The following KSR2 variants were observed in gnomAD, a reference collection of about 807,000 sequenced individuals.
KSR2 encodes kinase suppressor of ras 2.
Under a neutral mutation model 107.8 loss-of-function variants are expected in KSR2, and 25 were observed. That is an observed-to-expected ratio of 0.23 (90% CI 0.17 to 0.32). KSR2 has a LOEUF of 0.32. Among genes scored for constraint, KSR2 ranks in the 10% least tolerant of loss-of-function variants. KSR2 has a pLI of 1.00. For missense variants in KSR2, 887 were observed against 1,268.9 expected, an observed-to-expected ratio of 0.70 and a Z score of 4.57; for synonymous variants, 480 against 507.0, an observed-to-expected ratio of 0.95 and a Z score of 0.71.
intron 4 of KSR2, among the ~76,000 whole-genome samples, chr12:117,697,718 C>T (rs1430409515): frequency 3.8e-5 from 5 of 131,388 alleles, no homozygotes; most frequent in South Asian, 4.8e-4. Flanking sequence ...CTAGCCTGGG[C>T]AACAGAGCGA....
intron 10 of KSR2, among the ~76,000 whole-genome samples, chr12:117,537,742 C>A (rs756262701): frequency 1.3e-5 from 2 of 152,164 alleles, no homozygotes; most frequent in African/African-American, 2.4e-5. Context: ...CTTGTCATGG[C>A]CTGTCATGGA....
rs200974170 is a variant in KSR2, at chr12:117,467,917, G to A, written c.2847-712C>T. The A allele has an allele frequency of 6.0e-5, 12 of 199,522 alleles. No individual in the cohort carries two copies. The Admixed American group carries it at 1.2e-3, about 20-fold the overall frequency. The allele number at this position is 199,522 out of a possible 1,614,324, so 12.4% of individuals were successfully genotyped here. ...TCCTATTCTGCTAGACCACAGTCCTGTGTTTTTTTTTTTTTTTTCCAGCCC... is the reference window on the plus strand; with the variant it reads ...TCCTATTCTGCTAGACCACAGTCCTATGTTTTTTTTTTTTTTTTCCAGCCC... On this transcript the variant is annotated intron_variant, in intron 19 of 19. Transcript: ENST00000339824.
intron 16 of KSR2, among the ~76,000 whole-genome samples, chr12:117,480,189 T>C (rs1348518897): frequency 1.1e-5 from 1 of 91,758 alleles, no homozygotes; most frequent in Non-Finnish European, 2.2e-5. Context: ...TGGGGTGGGT[T>C]GGGGTGCCCC....
chr12:117,653,824 A>AAG (rs1884004096), intron 5 of KSR2, among the ~76,000 whole-genome samples: 1 of 152,202 alleles, frequency 6.6e-6, no homozygotes, highest in African/African-American at 2.4e-5. Context: ...AGTGACCCGA[A>AAG]AGGCTGCCAG....
chr12:117,777,464 G>A (rs1338902941), intron 3 of KSR2, among the ~76,000 whole-genome samples: 2 of 152,110 alleles, frequency 1.3e-5, no homozygotes, highest in Non-Finnish European at 2.9e-5. Flanking sequence ...GAAATGAGAG[G>A]GCAGAATGCT....
intron 5 of KSR2, among the ~76,000 whole-genome samples, chr12:117,638,596 A>G (rs1216672704): frequency 6.6e-6 from 1 of 152,152 alleles, no homozygotes; most frequent in Non-Finnish European, 1.5e-5. Context: ...TAAAAGATAT[A>G]CTATTTAGGG....
rs1183124695 is a variant in KSR2 at position 117,699,584 on chromosome 12, A to T, written c.987-31926T>A. On this transcript the variant is annotated intron_variant, in intron 4 of 19. Transcript: ENST00000339824. ...TAATTATTTGTGTATCCAAACATCT[A>T]AACATAGAAAAGGTACAGGCAAAAT... Among the ~76,000 whole-genome samples, 3 of 152,234 alleles carry T rather than the reference A, an allele frequency of 2.0e-5. 1 individual carries two copies. Among genetic ancestry groups the T allele is most frequent in the African/African-American group, 7.2e-5 (3 of 41,462 alleles).
chr12:117,924,105 C>T (rs369279392), intron 1 of KSR2, among the ~76,000 whole-genome samples: 176 of 151,222 alleles, frequency 1.2e-3, no homozygotes, highest in African/African-American at 4.0e-3. Flanking sequence ...CTCGAACTCC[C>T]GACCACAGGT....
At chr12:117,626,024 T>C (rs1281390457) in intron 5 of KSR2, among the ~76,000 whole-genome samples, 1 of 152,250 alleles carries the variant, frequency 6.6e-6, no homozygotes, top group African/African-American at 2.4e-5. Flanking sequence ...TGGTAGTTTG[T>C]ATTTCTGTGG....
intron 1 of KSR2, among the ~76,000 whole-genome samples, chr12:117,888,857 G>C (rs889979178): frequency 6.6e-6 from 1 of 152,214 alleles, no homozygotes; most frequent in Non-Finnish European, 1.5e-5. Flanking sequence ...CAGGGAGTTA[G>C]TGAATTTCAT....
chr12:117,667,525 G>T lies in KSR2; in HGVS notation c.1120C>A (p.Pro374Thr), dbSNP rs775004315. ...SLRSFFVGHA[P>T]FLPSTPPVHT... is the part of the protein sequence containing the mutation. ...ACAGGAGGGGTGGAAGGCAGGAAAG[G>T]TGCGTGTCCCACAAAGAAGGAGCGG... The change falls in exon 5 of 20, where the codon CCT (proline) becomes ACT (threonine). Residue 374 changes from proline to threonine, a missense_variant. Coordinates refer to ENST00000339824, the MANE Select transcript of KSR2 (RefSeq NM_173598.6). 2 of 1,612,796 alleles carry T rather than the reference G, an allele frequency of 1.2e-6. No individual in the cohort carries two copies. The highest frequency in any genetic ancestry group is 1.7e-6 in the Non-Finnish European group (2 of 1,179,608).
intron 5 of KSR2, among the ~76,000 whole-genome samples, chr12:117,644,437 C>T (rs949273762): frequency 3.3e-4 from 50 of 152,158 alleles, no homozygotes; most frequent in African/African-American, 1.1e-3. Flanking sequence ...GCTACTAAAG[C>T]AGGATCAGTG....
chr12:117,494,123 C>G (rs1032755421), intron 14 of KSR2, among the ~76,000 whole-genome samples: 2 of 152,148 alleles, frequency 1.3e-5, no homozygotes, highest in African/African-American at 4.8e-5. Context: ...GTGCCTTAGG[C>G]TGCTTCCCAT....
intron 5 of KSR2, among the ~76,000 whole-genome samples, chr12:117,626,426 A>C (rs1176975496): frequency 6.6e-6 from 1 of 152,180 alleles, no homozygotes; most frequent in East Asian, 1.9e-4. Context: ...ATTGGTTTCA[A>C]AGAACATCTT....
At chr12:117,744,497 G>A (rs7295195) in intron 4 of KSR2, among the ~76,000 whole-genome samples, 47,386 of 151,892 alleles carry the variant, frequency 0.31, 7,487 homozygotes, top group East Asian at 0.42. Flanking sequence ...ATTAAAGCCC[G>A]ATAAGAGATT....
At chr12:117,619,089 A>G (rs1315872562) in intron 5 of KSR2, among the ~76,000 whole-genome samples, 1 of 152,176 alleles carries the variant, frequency 6.6e-6, no homozygotes, top group Non-Finnish European at 1.5e-5. Context: ...GAAACCTTCT[A>G]GGAGACCTTG....
At chr12:117,883,247 C>T (rs1894080794) in intron 1 of KSR2, among the ~76,000 whole-genome samples, 1 of 152,210 alleles carries the variant, frequency 6.6e-6, no homozygotes, top group Non-Finnish European at 1.5e-5. Flanking sequence ...CCATGCAGAA[C>T]TGTTACATCC....
chr12:117,713,413 A>T (rs143433306), intron 4 of KSR2, among the ~76,000 whole-genome samples: 15 of 152,256 alleles, frequency 9.9e-5, no homozygotes, highest in Admixed American at 5.2e-4. Flanking sequence ...TCTTTGGGGA[A>T]CTCTGATACA....
In KSR2 at chr12:117,587,101, T is replaced by A. The variant is rs1460325477; in HGVS notation, c.1172-4742A>T. 3.3e-5 allele frequency among the ~76,000 whole-genome samples: 5 copies of A among 152,280 alleles called. No homozygotes were observed. In the East Asian group the frequency reaches 9.7e-4, roughly 29 times the overall value. The stretch of plus-strand genomic sequence containing the variant: ...CCAAGGCCTCCTACCTACCTCTGTC[T>A]GGGAAGGACCAAGGAGGCCTGGGAA... On this transcript the variant is annotated intron_variant, in intron 5 of 19. Coordinates refer to ENST00000339824, the MANE Select transcript of KSR2 (RefSeq NM_173598.6).
Sources: gnomAD v4.1 joint callset for allele counts (sites outside exome capture counted in the v4.1 genomes callset) on GRCh38, gnomAD v4.1.1 for gene constraint, MANE v1.5 for transcripts, NCBI Gene and HGNC (gene_info 2026-07-23, HGNC 2026-07-21) for gene names.